OFD1: variants seen among roughly 807,000 people sequenced by gnomAD.
The protein encoded by OFD1 is centriole and centriolar satellite protein OFD1.
Under a neutral mutation model 81.4 loss-of-function variants are expected in OFD1, and 12 were observed. The ratio of observed to expected loss-of-function variants is 0.15; its 90% CI spans 0.09 to 0.24. OFD1 has a LOEUF of 0.24. Among genes scored for constraint, OFD1 ranks in the 10% least tolerant of loss-of-function variants. OFD1 has a pLI of 1.00. For synonymous variants in OFD1, 256 were observed against 263.7 expected (o/e 0.97, Z 0.28); for missense variants, 685 against 733.9 (o/e 0.93, Z 0.77).
chrX:13,716,908 G>A, the OFD1 span, among the ~76,000 whole-genome samples: 1 of 109,882 alleles, frequency 9.1e-6, no homozygotes, highest in Non-Finnish European at 1.9e-5. Flanking sequence ...AATGAAATGT[G>A]TATATAGAGG....
chrX:13,741,203 C>T (rs1445447770), intron 5 of OFD1, among the ~76,000 whole-genome samples: 1 of 111,925 alleles, frequency 8.9e-6, no homozygotes, highest in Admixed American at 9.5e-5. Flanking sequence ...GACATCTGGC[C>T]GACAGCCCTT....
chrX:13,755,925 A>C (rs1158810198), intron 12 of OFD1, among the ~76,000 whole-genome samples: 1 of 104,418 alleles, frequency 9.6e-6, no homozygotes, highest in African/African-American at 3.5e-5. Context: ...CATTTTACAG[A>C]ATCTTTTTTC....
chrX:13,740,542 C>T (rs2047051507), intron 5 of OFD1, among the ~76,000 whole-genome samples: 2 of 111,580 alleles, frequency 1.8e-5, no homozygotes, highest in Admixed American at 1.9e-4. Flanking sequence ...CTTGTAATCC[C>T]AGCACTTTGG....
intron 10 of OFD1, among the ~76,000 whole-genome samples, chrX:13,752,397 T>A (rs2047537313): frequency 8.9e-6 from 1 of 112,410 alleles, no homozygotes; most frequent in African/African-American, 3.2e-5. Flanking sequence ...CTCTGGGCAT[T>A]TCTTATTTGG....
chrX:13,773,370 G>A (rs926721995), downstream of OFD1: 1 of 151,328 alleles, frequency 6.6e-6, no homozygotes, highest in Non-Finnish European at 1.3e-5. Flanking sequence ...GCGAAAGTTC[G>A]GGAGCACATT....
the OFD1 span, among the ~76,000 whole-genome samples, chrX:13,725,216 T>TC: frequency 1.8e-5 from 2 of 112,890 alleles, no homozygotes; most frequent in Admixed American, 1.9e-4. Context: ...GACTTAAACA[T>TC]CCCTGTCTGA....
rs1262742240 is a variant in OFD1, at chrX:13,768,710, G to A, written c.2929-8G>A. The A allele has an allele frequency of 1.7e-6, 2 of 1,201,885 alleles. No homozygotes were observed. Among genetic ancestry groups the A allele is most frequent in the Admixed American group, 2.2e-5 (1 of 45,716 alleles). On this transcript the variant is annotated splice_region_variant and splice_polypyrimidine_tract_variant and intron_variant, in intron 21 of 22. Coordinates refer to ENST00000340096, the MANE Select transcript of OFD1 (RefSeq NM_003611.3). ...TTTCAAAATTTTCCACCCTCTCCAT[G>A]TAATCAGAGCTCAAAAAAGATGGTC...
upstream of OFD1, among the ~76,000 whole-genome samples, chrX:13,731,292 G>T (rs775926777): frequency 8.9e-5 from 10 of 111,899 alleles, no homozygotes; most frequent in East Asian, 1.7e-3. Context: ...CATTCAGAGC[G>T]ACTAGAACAC....
At chrX:13,720,260 A>G in the OFD1 span, 1 of 174,423 alleles carries the variant, frequency 5.7e-6, no homozygotes, top group South Asian at 1.7e-4. Flanking sequence ...TCATGATCTG[A>G]AAATATGGCT....
chrX:13,733,851 G>A (rs905751954), upstream of OFD1, among the ~76,000 whole-genome samples: 4 of 110,241 alleles, frequency 3.6e-5, no homozygotes, highest in Admixed American at 9.7e-5. Flanking sequence ...CCCCGATAAA[G>A]ACACACTTTT....
chrX:13,767,852 C>G lies in OFD1; in HGVS notation c.2758-202C>G, dbSNP rs759066770. On this transcript the variant is annotated intron_variant, in intron 20 of 22. Coordinates refer to ENST00000340096, the MANE Select transcript of OFD1 (RefSeq NM_003611.3). ...GTTAATTCAAGTCCAAAGCACAGGA[C>G]ACTTGCCAATTAATACCTTCCTTCA... is the stretch of plus-strand genomic sequence containing the variant. 1.0e-5 allele frequency: 4 copies of G among 401,646 alleles called. No individual in the cohort carries two copies. In the Admixed American group the frequency reaches 1.3e-4, roughly 13 times the overall value. 33.1% of individuals were successfully genotyped at this position (401,646 alleles called of 1,213,427 possible).
intron 7 of OFD1, among the ~76,000 whole-genome samples, 154 bp from the exon 8 acceptor site, chrX:13,746,626 G>A (rs987911125): frequency 3.6e-5 from 4 of 111,518 alleles, no homozygotes; most frequent in African/African-American, 1.3e-4. Flanking sequence ...CCTTTTGAGT[G>A]AATCCTACAA....
chrX:13,753,519 A>G (rs771614726), intron 11 of OFD1, 78 bp downstream of exon 11: 145 of 962,946 alleles, frequency 1.5e-4, no homozygotes, highest in Middle Eastern at 5.5e-4. Context: ...GGTCTTTTCT[A>G]TATTCTAAAA....
intron 5 of OFD1, among the ~76,000 whole-genome samples, chrX:13,743,345 AT>A (rs2047179346): frequency 1.8e-5 from 2 of 112,518 alleles, no homozygotes; most frequent in Admixed American, 9.4e-5. Flanking sequence ...TAGACTAATT[AT>A]TTTTAAATAA....
upstream of OFD1, among the ~76,000 whole-genome samples, chrX:13,730,101 C>T (rs1164523053): frequency 1.8e-5 from 2 of 110,804 alleles, no homozygotes; most frequent in African/African-American, 6.6e-5. Context: ...AGCTTCTGCA[C>T]GGCAAAAGAA....
chrX:13,723,865 G>A, the OFD1 span, among the ~76,000 whole-genome samples: 151 of 111,226 alleles, frequency 1.4e-3, no homozygotes, highest in Non-Finnish European at 2.5e-3. Context: ...TAGGGCCCAC[G>A]GCAAAGAGGA....
intron 17 of OFD1, among the ~76,000 whole-genome samples, chrX:13,762,081 G>A (rs977035878): frequency 1.8e-5 from 2 of 110,625 alleles, no homozygotes. Context: ...CCTAGGAATA[G>A]CATTCAGAGT....
intron 6 of OFD1, among the ~76,000 whole-genome samples, chrX:13,744,732 C>T (rs1255694027): frequency 8.9e-6 from 1 of 112,038 alleles, no homozygotes; most frequent in East Asian, 2.8e-4. Flanking sequence ...GCTACACTGG[C>T]CAAATCATGC....
At chrX:13,717,080 A>G in the OFD1 span, among the ~76,000 whole-genome samples, 1 of 101,842 alleles carries the variant, frequency 9.8e-6, no homozygotes, top group Non-Finnish European at 2.0e-5. Flanking sequence ...TCCTGTGGAG[A>G]AGAGGTGCCA....
Sources: allele counts gnomAD v4.1 joint callset (sites outside exome capture counted in the v4.1 genomes callset), GRCh38; gene constraint gnomAD v4.1.1; transcripts MANE v1.5; gene names NCBI Gene and HGNC (gene_info 2026-07-23, HGNC 2026-07-21).